FNDC1: variants seen among roughly 807,000 people sequenced by gnomAD.
FNDC1 encodes fibronectin type III domain containing 1.
Under a neutral mutation model 168.0 loss-of-function variants are expected in FNDC1, and 96 were observed. That is an observed-to-expected ratio of 0.57 (90% CI 0.48 to 0.68). The LOEUF (loss-of-function observed/expected upper bound fraction) is 0.68. Among genes scored for constraint, FNDC1 ranks in the 30% least tolerant of loss-of-function variants. FNDC1 has a pLI of 0.00. For synonymous variants in FNDC1, 1,099 were observed against 1,025.9 expected (o/e 1.07, Z -1.36); for missense variants, 2,587 against 2,482.1 (o/e 1.04, Z -0.90).
rs1210085433 is a variant in FNDC1, at chr6:159,232,477, C to T, written c.1965C>T (p.Gly655=). ...CAGACGAAGATGAGCGCGCTGTGGGCTCCCTCCACCCCAAGGGCGCCTTCG... is the reference window on the plus strand; with the variant it reads ...CAGACGAAGATGAGCGCGCTGTGGGTTCCCTCCACCCCAAGGGCGCCTTCG... The part of the protein sequence containing the change: ...VDSDEDERAV[G]SLHPKGAFAQ... Residue 655 remains glycine, a synonymous_variant, in exon 11 of 23, where the codon GGC becomes GGT. Transcript: ENST00000297267. The surrounding 1 kb of genome is among the most constrained non-coding windows in gnomAD (Gnocchi z 4.9). 4 of 1,612,270 alleles carry T rather than the reference C, an allele frequency of 2.5e-6. No individual in the cohort carries two copies. Among genetic ancestry groups the T allele is most frequent in the Non-Finnish European group, 3.4e-6 (4 of 1,179,106 alleles).
intron 1 of FNDC1, among the ~76,000 whole-genome samples, chr6:159,176,105 G>C (rs1262777624): frequency 6.6e-6 from 1 of 152,158 alleles, no homozygotes; most frequent in South Asian, 2.1e-4. Flanking sequence ...CCTTCATCTG[G>C]TTTATTAGGT....
At chr6:159,248,874 CAA>C (rs1236988946) in intron 15 of FNDC1, among the ~76,000 whole-genome samples, 163 bp from the exon 16 acceptor site, 1 of 152,122 alleles carries the variant, frequency 6.6e-6, no homozygotes, top group Non-Finnish European at 1.5e-5. Context: ...TTAGTAGAAA[CAA>C]ATTACGTTTG....
chr6:159,197,357 A>T, intron 1 of FNDC1, 74 bp from the exon 2 acceptor site: 2 of 1,358,544 alleles, frequency 1.5e-6, no homozygotes, highest in South Asian at 2.8e-5. Context: ...TCCTAACAAT[A>T]TCAAAGACGA....
chr6:159,219,067 G>A (rs389440), intron 5 of FNDC1, among the ~76,000 whole-genome samples: 68,071 of 148,648 alleles, frequency 0.46, 17,112 homozygotes, highest in East Asian at 0.67. Context: ...TTGTGACAGG[G>A]TCTTGCTCTG....
chr6:159,235,112 A>C (rs138911661), intron 11 of FNDC1, among the ~76,000 whole-genome samples: 1 of 152,316 alleles, frequency 6.6e-6, no homozygotes, highest in African/African-American at 2.4e-5. Flanking sequence ...ATGTATGTTA[A>C]AGATCATTGT....
chr6:159,231,827 C>A, intron 10 of FNDC1, 55 bp from the exon 11 acceptor site: 1 of 1,466,790 alleles, frequency 6.8e-7, no homozygotes, highest in East Asian at 2.3e-5. Flanking sequence ...GTCTCACCTC[C>A]GCTTTCGCTT....
chr6:159,241,272 G>T (rs550042397), intron 14 of FNDC1: 5 of 152,134 alleles, frequency 3.3e-5, no homozygotes, highest in African/African-American at 9.7e-5. Flanking sequence ...ATTAGTAATT[G>T]GTCGTAAACA....
chr6:159,189,655 G>A (rs372130767), intron 1 of FNDC1, among the ~76,000 whole-genome samples: 1 of 152,208 alleles, frequency 6.6e-6, no homozygotes, highest in African/African-American at 2.4e-5. Context: ...CCCCTCCTGG[G>A]CGTTGGAAAG....
intron 15 of FNDC1, 146 bp from the exon 16 acceptor site, chr6:159,248,893 G>T: frequency 1.6e-6 from 1 of 639,622 alleles, no homozygotes. Flanking sequence ...TTTGGGCATA[G>T]CATTTATTTT....
At chr6:159,268,317 C>G (rs1393014495) in intron 22 of FNDC1, among the ~76,000 whole-genome samples, 7 of 152,124 alleles carry the variant, frequency 4.6e-5, no homozygotes, top group African/African-American at 1.7e-4. Context: ...AATGAATAAA[C>G]AGAACAACTG....
intron 20 of FNDC1, 90 bp from the exon 21 acceptor site, chr6:159,265,994 C>T (rs1777584873): frequency 1.5e-6 from 2 of 1,375,124 alleles, no homozygotes; most frequent in Non-Finnish European, 2.0e-6. Flanking sequence ...AAAGGAAGGC[C>T]CAGGAAGTCA....
intron 1 of FNDC1, among the ~76,000 whole-genome samples, chr6:159,176,577 G>T (rs1004832254): frequency 1.3e-5 from 2 of 152,220 alleles, no homozygotes; most frequent in African/African-American, 4.8e-5. Flanking sequence ...GAAGTCATGT[G>T]CAAGGAACCA....
chr6:159,179,288 C>A lies in FNDC1; in HGVS notation c.109+9583C>A, dbSNP rs137968605. ...GACCAGCCTGGCCAAAATGGTGAAA[C>A]CCTGTCTCTACTAAACAAAAATTAG... is the stretch of plus-strand genomic sequence containing the variant. On this transcript the variant is annotated intron_variant, in intron 1 of 22. Transcript: ENST00000297267. Among the ~76,000 whole-genome samples the A allele has an allele frequency of 5.0e-3, 766 of 152,296 alleles. 9 individuals are homozygous for A. The highest frequency in any genetic ancestry group is 0.017 in the African/African-American group (722 of 41,556).
In FNDC1 at chr6:159,271,550, TGCCAGGAAGGTCATAGATGGACACTG is replaced by T. The variant is rs1777750015; in HGVS notation, c.*113_*138del. The T allele has an allele frequency of 1.2e-6, 1 of 816,430 alleles. No homozygotes were observed. The highest frequency in any genetic ancestry group is 1.7e-5 in the African/African-American group (1 of 58,796). The allele number at this position is 816,430 out of a possible 1,614,324, so 50.6% of individuals were successfully genotyped here. Reference sequence around the variant, plus strand: ...GCGTGCTCAGCCCCGCTGCCCTAGGTGCCAGGAAGGTCATAGATGGACACTGGCCATTCTGGTCATCTCAGTCTGGA... The same window carrying T: ...GCGTGCTCAGCCCCGCTGCCCTAGGTGCCATTCTGGTCATCTCAGTCTGGA... On this transcript the variant is annotated 3_prime_UTR_variant, in exon 23 of 23. Coordinates refer to ENST00000297267, the MANE Select transcript of FNDC1 (RefSeq NM_032532.3).
chr6:159,200,080 C>T lies in FNDC1; in HGVS notation c.389C>T (p.Pro130Leu), dbSNP rs1441964063. Residue 130 changes from proline (P) to leucine (L), a missense_variant and splice_region_variant, in exon 3 of 23, where the codon CCT (proline) becomes CTT (leucine). Transcript: ENST00000297267. ...CCTGTTTACAGAGCTGAAAGCCCAC[C>T]TGGTAAGTCCTATCTAGAATCAGAG... Reference protein sequence around the residue: ...SRPVYRAESPPGGEWIEIDGF... With the variant: ...SRPVYRAESPLGGEWIEIDGF... The T allele has an allele frequency of 6.3e-7, 1 of 1,589,972 alleles. No individual in the cohort carries two copies. Among genetic ancestry groups the T allele is most frequent in the Non-Finnish European group, 8.6e-7 (1 of 1,167,266 alleles).
intron 17 of FNDC1, among the ~76,000 whole-genome samples, chr6:159,252,932 C>G (rs556296729): frequency 6.6e-6 from 1 of 152,184 alleles, no homozygotes. Context: ...AAACACGCCT[C>G]AAGGGTTCTT....
chr6:159,251,641 T>C (rs1777267929), intron 17 of FNDC1, 109 bp downstream of exon 17: 6 of 894,340 alleles, frequency 6.7e-6, no homozygotes, highest in African/African-American at 4.9e-5. Flanking sequence ...GTGGGTTGGA[T>C]GGGTTGGATG....
At position 159,197,418 on chromosome 6, in the gene FNDC1, G is replaced by T. The variant is rs376577321; in HGVS notation, c.110-13G>T. On this transcript the variant is annotated splice_polypyrimidine_tract_variant and intron_variant, in intron 1 of 22. Transcript: ENST00000297267. ...GTTATTGCCATGAGTTGATAGTTGC[G>T]CTGTTTACATAGTTGACCACCCACT... is the stretch of plus-strand genomic sequence containing the variant. 3 of 1,594,650 alleles carry T rather than the reference G, an allele frequency of 1.9e-6. No homozygotes were observed. The highest frequency in any genetic ancestry group is 1.1e-5 in the South Asian group (1 of 88,118).
rs145042912 is a variant in FNDC1 at position 159,197,022 on chromosome 6, T to C, written c.110-409T>C. Reference sequence around the variant, plus strand: ...TAATCAGGACAGTTTTATGCTGTTCTCTCCGAGACGTTTAAAGATTGTCCA... The same window carrying C: ...TAATCAGGACAGTTTTATGCTGTTCCCTCCGAGACGTTTAAAGATTGTCCA... On this transcript the variant is annotated intron_variant, in intron 1 of 22. Transcript: ENST00000297267. Among the ~76,000 whole-genome samples, 1,000 of 152,330 alleles carry C rather than the reference T, an allele frequency of 6.6e-3. 11 individuals are homozygous for C. The highest frequency in any genetic ancestry group is 0.023 in the African/African-American group (960 of 41,578).
Sources: allele counts gnomAD v4.1 joint callset (sites outside exome capture counted in the v4.1 genomes callset), GRCh38; gene constraint gnomAD v4.1.1; non-coding constraint Gnocchi (gnomAD v3.1); transcripts MANE v1.5; gene names NCBI Gene and HGNC (gene_info 2026-07-23, HGNC 2026-07-21).